Variants in NCKAP5 observed in about 807,000 individuals in gnomAD.
The protein encoded by NCKAP5 is NCK associated protein 5, also known as nck-associated protein 5.
In NCKAP5, 92 loss-of-function variants were observed where a neutral mutation model predicts 167.0. The observed-to-expected ratio is 0.55, with a 90% CI of 0.47 to 0.66. The LOEUF is 0.66. Among genes scored for constraint, NCKAP5 ranks in the 30% least tolerant of loss-of-function variants. NCKAP5 has a pLI of 0.00. For missense variants in NCKAP5, 2,378 were observed against 2,315.0 expected (o/e 1.03, Z -0.56); for synonymous variants, 891 against 877.4 (o/e 1.02, Z -0.27).
rs3893244 is a variant in NCKAP5, at chr2:133,444,407, G to T, written c.69+73051C>A. ...AGATAGATAGATAGATAGATAGATAGATATAGATATAGATGTAGATATTTA... is the reference window on the plus strand; with the variant it reads ...AGATAGATAGATAGATAGATAGATATATATAGATATAGATGTAGATATTTA... On this transcript the variant is annotated intron_variant, in intron 3 of 19. Coordinates refer to ENST00000409261, the MANE Select transcript of NCKAP5 (RefSeq NM_207363.3). 9.5e-3 allele frequency among the ~76,000 whole-genome samples: 1,154 copies of T among 121,662 alleles called. 4 individuals carry two copies. Among genetic ancestry groups the T allele is most frequent in the African/African-American group, 0.04 (1,089 of 26,984 alleles). The allele number at this position is 121,662 out of a possible 152,430, so 79.8% of individuals were successfully genotyped here. A position where few individuals can be genotyped will look rare whatever the true frequency, so the allele number is the denominator to read the frequency against.
intron 8 of NCKAP5, among the ~76,000 whole-genome samples, chr2:132,952,457 C>G (rs1005381863): frequency 6.6e-6 from 1 of 152,150 alleles, no homozygotes; most frequent in East Asian, 1.9e-4. Context: ...CAGACCCCCC[C>G]CACTCCTTGG....
chr2:133,591,191 A>G, the NCKAP5 span, among the ~76,000 whole-genome samples: 912 of 152,332 alleles, frequency 6.0e-3, 27 homozygotes, highest in Admixed American at 0.053. Flanking sequence ...GCTTCTTGTC[A>G]GGTGGAGCAA....
intron 8 of NCKAP5, among the ~76,000 whole-genome samples, chr2:132,943,804 TGTGATCAAATCAGAAACAAC>T (rs138059606): frequency 0.011 from 1,621 of 152,266 alleles, 31 homozygotes; most frequent in African/African-American, 0.036. Context: ...CATGCTGCCC[TGTGATCAAATCAGAAACAAC>T]TGTGTAAGAA....
chr2:133,009,335 A>C (rs569280868), intron 6 of NCKAP5, among the ~76,000 whole-genome samples: 1 of 152,280 alleles, frequency 6.6e-6, no homozygotes, highest in South Asian at 2.1e-4. Flanking sequence ...ACTCTTATGC[A>C]TATCTCAAGT....
intron 8 of NCKAP5, among the ~76,000 whole-genome samples, chr2:132,881,471 G>A (rs1337589294): frequency 6.6e-6 from 1 of 151,886 alleles, no homozygotes; most frequent in Non-Finnish European, 1.5e-5. Context: ...CATTGCACCC[G>A]GCCTGGAATA....
chr2:133,534,190 T>C (rs1040531178), intron 2 of NCKAP5, among the ~76,000 whole-genome samples: 2 of 152,222 alleles, frequency 1.3e-5, no homozygotes, highest in Non-Finnish European at 2.9e-5. Flanking sequence ...TCTCTAGTCC[T>C]CAATTTCTTA....
intron 4 of NCKAP5, among the ~76,000 whole-genome samples, chr2:133,255,168 A>G (rs1265842500): frequency 6.6e-6 from 1 of 152,208 alleles, no homozygotes; most frequent in Non-Finnish European, 1.5e-5. Context: ...CTATAGATAC[A>G]TAAAGAACTG....
intron 3 of NCKAP5, among the ~76,000 whole-genome samples, chr2:133,335,076 G>A (rs931442192): frequency 1.3e-4 from 20 of 152,008 alleles, no homozygotes; most frequent in African/African-American, 4.1e-4. Flanking sequence ...AGTTTCACAC[G>A]GCCCAGTGGT....
intron 3 of NCKAP5, among the ~76,000 whole-genome samples, chr2:133,511,419 C>A (rs1053246023): frequency 2.6e-5 from 4 of 152,176 alleles, no homozygotes; most frequent in Non-Finnish European, 4.4e-5. Flanking sequence ...ACCTCTCCTG[C>A]ATTTCTGTAC....
Position 133,076,456 on chromosome 2 carries a change from C to T in NCKAP5, c.341+53522G>A, listed in dbSNP as rs1022888714. On this transcript the variant is annotated intron_variant, in intron 6 of 19. Transcript: ENST00000409261. ...TCTAAATAAATCTTTTACAATCACA[C>T]GATCCATCCTACGTATGAAAAAAAA... 4.6e-5 allele frequency among the ~76,000 whole-genome samples: 7 copies of T among 151,974 alleles called. No individual in the cohort carries two copies. The South Asian group carries it at 1.2e-3, about 27-fold the overall frequency.
chr2:133,035,849 T>C (rs2079024087), intron 6 of NCKAP5, among the ~76,000 whole-genome samples: 1 of 151,576 alleles, frequency 6.6e-6, no homozygotes, highest in Non-Finnish European at 1.5e-5. Context: ...CAGAAATAAA[T>C]GAAATTGAAA....
At chr2:133,051,714 G>T (rs755659491) in intron 6 of NCKAP5, among the ~76,000 whole-genome samples, 3 of 152,174 alleles carry the variant, frequency 2.0e-5, no homozygotes, top group Non-Finnish European at 4.4e-5. Context: ...AAAATCATCT[G>T]CTATGCCTAA....
chr2:133,358,171 G>A (rs1008704802), intron 3 of NCKAP5, among the ~76,000 whole-genome samples: 7 of 152,108 alleles, frequency 4.6e-5, no homozygotes, highest in Admixed American at 1.3e-4. Context: ...AACCAGTTAC[G>A]TATCTGTTTC....
chr2:133,489,421 G>A (rs183070213), intron 3 of NCKAP5, among the ~76,000 whole-genome samples: 87 of 152,232 alleles, frequency 5.7e-4, no homozygotes, highest in African/African-American at 1.9e-3. Flanking sequence ...AGCAGAAGTC[G>A]GAGAATACAC....
At chr2:133,266,757 A>G (rs1482426116) in intron 4 of NCKAP5, among the ~76,000 whole-genome samples, 2 of 152,138 alleles carry the variant, frequency 1.3e-5, no homozygotes, top group East Asian at 3.9e-4. Flanking sequence ...CCTGCCTGCC[A>G]GTGTCCCCGA....
chr2:132,718,775 A>G (rs1689619690), intron 19 of NCKAP5, among the ~76,000 whole-genome samples: 1 of 152,222 alleles, frequency 6.6e-6, no homozygotes, highest in South Asian at 2.1e-4. Flanking sequence ...TTTTTATTTG[A>G]CACACATTTA....
chr2:132,926,316 T>C (rs866083340), intron 8 of NCKAP5: 2 of 185,080 alleles, frequency 1.1e-5, no homozygotes, highest in African/African-American at 2.3e-5. Context: ...GGGTTGTGAA[T>C]AGTGCTGATA....
intron 5 of NCKAP5, among the ~76,000 whole-genome samples, chr2:133,152,292 C>T (rs1367156065): frequency 6.6e-6 from 1 of 152,140 alleles, no homozygotes; most frequent in African/African-American, 2.4e-5. Flanking sequence ...CTTTACTTTG[C>T]CACAGTTTTC....
At chr2:133,511,049 C>G (rs1683445177) in intron 3 of NCKAP5, among the ~76,000 whole-genome samples, 1 of 152,204 alleles carries the variant, frequency 6.6e-6, no homozygotes, top group African/African-American at 2.4e-5. Context: ...AGACTTAATG[C>G]ATGATTCACT....
Sources: allele counts gnomAD v4.1 joint callset (sites outside exome capture counted in the v4.1 genomes callset), GRCh38; gene constraint gnomAD v4.1.1; transcripts MANE v1.5; gene names NCBI Gene and HGNC (gene_info 2026-07-23, HGNC 2026-07-21).